DIAPH3: variants seen among roughly 807,000 people sequenced by gnomAD.
The protein encoded by DIAPH3 is protein diaphanous homolog 3.
A neutral mutation model predicts 144.3 loss-of-function variants in DIAPH3; 117 were observed. The ratio of observed to expected loss-of-function variants is 0.81; its 90% CI spans 0.70 to 0.95. DIAPH3 has a LOEUF of 0.95. DIAPH3 is among the 40% of genes least tolerant of loss of function. The pLI, the probability that DIAPH3 is intolerant of heterozygous loss-of-function variation, is 0.00. For synonymous variants in DIAPH3, 519 were observed against 488.9 expected, an observed-to-expected ratio of 1.06 and a Z score of -0.81; for missense variants, 1,421 against 1,412.7, an observed-to-expected ratio of 1.01 and a Z score of -0.09.
intron 27 of DIAPH3, among the ~76,000 whole-genome samples, chr13:59,674,700 T>G (rs2032547145): frequency 6.6e-6 from 1 of 152,096 alleles, no homozygotes; most frequent in African/African-American, 2.4e-5. Flanking sequence ...CCCTAAACAT[T>G]CCTACATATG....
At chr13:60,092,089 C>A (rs1235129843) in intron 4 of DIAPH3, among the ~76,000 whole-genome samples, 1 of 152,108 alleles carries the variant, frequency 6.6e-6, no homozygotes, top group Non-Finnish European at 1.5e-5. Flanking sequence ...GGTCCTCCCA[C>A]CTTGACTTCT....
chr13:59,714,535 AG>A (rs2034952694), intron 27 of DIAPH3, among the ~76,000 whole-genome samples: 1 of 152,174 alleles, frequency 6.6e-6, no homozygotes, highest in Non-Finnish European at 1.5e-5. Flanking sequence ...ACCATGTCTA[AG>A]TTAGAAATAA....
At chr13:60,097,996 C>T (rs569529125) in intron 3 of DIAPH3, among the ~76,000 whole-genome samples, 100 of 152,206 alleles carry the variant, frequency 6.6e-4, no homozygotes, top group Admixed American at 1.3e-3. Context: ...CTAAAAAATG[C>T]ATATCCATAT....
At chr13:59,723,557 C>T (rs549362947) in intron 27 of DIAPH3, among the ~76,000 whole-genome samples, 2 of 151,908 alleles carry the variant, frequency 1.3e-5, no homozygotes, top group African/African-American at 2.4e-5. Context: ...TCTGTTTTGT[C>T]GTACACTGTC....
chr13:59,743,130 C>T (rs1566249525), intron 27 of DIAPH3, among the ~76,000 whole-genome samples: 2 of 152,126 alleles, frequency 1.3e-5, no homozygotes, highest in Admixed American at 6.5e-5. Context: ...GGAACTTACA[C>T]AGACAGCCCA....
intron 4 of DIAPH3, among the ~76,000 whole-genome samples, chr13:60,076,756 T>C (rs1205866637): frequency 6.6e-6 from 1 of 152,154 alleles, no homozygotes; most frequent in Non-Finnish European, 1.5e-5. Context: ...ATTTGGCACA[T>C]TACCCACTGG....
chr13:60,077,531 T>G, intron 4 of DIAPH3, among the ~76,000 whole-genome samples: 1 of 152,014 alleles, frequency 6.6e-6, no homozygotes, highest in East Asian at 1.9e-4. Context: ...TAAAACAAAT[T>G]TATTTTAGTT....
At chr13:60,109,750 C>T (rs140398078) in intron 3 of DIAPH3, among the ~76,000 whole-genome samples, 7 of 152,318 alleles carry the variant, frequency 4.6e-5, no homozygotes, top group Admixed American at 1.3e-4. Context: ...TTCCAACTTA[C>T]ACCTATCATG....
chr13:59,993,488 C>T (rs77205789), intron 9 of DIAPH3, among the ~76,000 whole-genome samples: 5,534 of 151,490 alleles, frequency 0.037, 131 homozygotes, highest in East Asian at 0.071. Flanking sequence ...TTTCTCCATC[C>T]CTTAAGGCAA....
chr13:59,712,555 C>T (rs1055565364), intron 27 of DIAPH3, among the ~76,000 whole-genome samples: 1 of 152,228 alleles, frequency 6.6e-6, no homozygotes, highest in Non-Finnish European at 1.5e-5. Flanking sequence ...CCCCCTCAAT[C>T]CATTCTCCAT....
chr13:59,787,660 A>T (rs964096179), intron 25 of DIAPH3, among the ~76,000 whole-genome samples: 2 of 152,094 alleles, frequency 1.3e-5, no homozygotes, highest in Non-Finnish European at 2.9e-5. Context: ...TGATTTTCTT[A>T]AAATAAAGAA....
chr13:59,949,249 G>T (rs1169662457), intron 17 of DIAPH3, among the ~76,000 whole-genome samples: 1 of 152,138 alleles, frequency 6.6e-6, no homozygotes, highest in Non-Finnish European at 1.5e-5. Context: ...TAGCACAAGT[G>T]ACTCCATTCT....
intron 27 of DIAPH3, among the ~76,000 whole-genome samples, chr13:59,723,959 TAAAAAAA>T (rs144643410): frequency 1.5e-5 from 2 of 133,790 alleles, no homozygotes; most frequent in African/African-American, 5.7e-5. Flanking sequence ...TGTTAAAAGT[TAAAAAAA>T]AAAAAAAAAA....
At chr13:59,703,485 G>T (rs73542586) in intron 27 of DIAPH3, among the ~76,000 whole-genome samples, 95 of 152,166 alleles carry the variant, frequency 6.2e-4, no homozygotes, top group African/African-American at 2.3e-3. Flanking sequence ...TATTTTCTGA[G>T]AGTCTTCCTG....
Position 59,842,870 on chromosome 13 carries a change from C to T in DIAPH3, c.2738-3422G>A, listed in dbSNP as rs528444581. The stretch of plus-strand genomic sequence containing the variant: ...GCACAGTTTCACTGCCCTTCCAGCA[C>T]TTCCACCCTCCAAGCACATCCATGT... On this transcript the variant is annotated intron_variant, in intron 22 of 27. Transcript: ENST00000400324. 9.2e-5 allele frequency among the ~76,000 whole-genome samples: 14 copies of T among 152,266 alleles called. No homozygotes were observed. In the South Asian group the frequency reaches 2.7e-3, roughly 29 times the overall value.
chr13:59,815,881 A>G (rs1030210421), intron 24 of DIAPH3, among the ~76,000 whole-genome samples: 1 of 151,954 alleles, frequency 6.6e-6, no homozygotes, highest in East Asian at 1.9e-4. Context: ...TCCCTTTTCA[A>G]TCTTTACATT....
intron 5 of DIAPH3, among the ~76,000 whole-genome samples, chr13:60,021,243 C>A (rs1354972325): frequency 6.6e-6 from 1 of 152,080 alleles, no homozygotes; most frequent in Non-Finnish European, 1.5e-5. Context: ...GGAAAATTAC[C>A]CTAGTTTATC....
intron 22 of DIAPH3, among the ~76,000 whole-genome samples, chr13:59,840,583 A>G (rs1448956873): frequency 6.6e-6 from 1 of 152,172 alleles, no homozygotes; most frequent in East Asian, 1.9e-4. Flanking sequence ...TACAGAAAAT[A>G]ACATTTGGTA....
At position 59,869,728 on chromosome 13, in the gene DIAPH3, T is replaced by C. The variant is rs112848786; in HGVS notation, c.2608-8192A>G. Among the ~76,000 whole-genome samples the C allele has an allele frequency of 4.7e-3, 717 of 152,334 alleles. 9 individuals carry two copies. The highest frequency in any genetic ancestry group is 0.017 in the Middle Eastern group (5 of 294). On this transcript the variant is annotated intron_variant, in intron 21 of 27. Transcript: ENST00000400324. ...TTCAAGTATCTTTAAATAGTCAATA[T>C]ACCAGAATAGCATATTTTAATCCCT...
Sources: allele counts gnomAD v4.1 joint callset (sites outside exome capture counted in the v4.1 genomes callset), GRCh38; gene constraint gnomAD v4.1.1; transcripts MANE v1.5; gene names NCBI Gene and HGNC (gene_info 2026-07-23, HGNC 2026-07-21).